Variants in KCNJ6 observed in about 807,000 individuals in gnomAD.
The protein encoded by KCNJ6 is potassium inwardly rectifying channel subfamily J member 6.
Under a neutral mutation model 34.2 loss-of-function variants are expected in KCNJ6, and 9 were observed. The observed-to-expected ratio is 0.26, with a 90% CI of 0.16 to 0.46. KCNJ6 has a LOEUF of 0.46. KCNJ6 is among the 20% of genes least tolerant of loss of function. KCNJ6 has a pLI of 1.00. For missense variants in KCNJ6, 236 were observed against 531.3 expected (o/e 0.44, Z 5.46); for synonymous variants, 196 against 207.1 (o/e 0.95, Z 0.46).
At chr21:37,858,132 C>T (rs1323118218) in intron 1 of KCNJ6, among the ~76,000 whole-genome samples, 1 of 152,016 alleles carries the variant, frequency 6.6e-6, no homozygotes, top group Non-Finnish European at 1.5e-5. Flanking sequence ...TGGCTCACGC[C>T]TGTAATCTCA....
chr21:37,894,153 A>C (rs1169915783), intron 1 of KCNJ6, among the ~76,000 whole-genome samples: 3 of 152,198 alleles, frequency 2.0e-5, no homozygotes, highest in Non-Finnish European at 4.4e-5. Flanking sequence ...TCCTTCTTTG[A>C]TATCTGTCTA....
In KCNJ6 at chr21:37,714,629, C is replaced by T. The variant is rs761967457; in HGVS notation, c.528G>A (p.Val176=). The change falls in exon 3 of 4, where the codon GTG becomes GTA. Residue 176 remains valine (V), a synonymous_variant. Transcript: ENST00000609713. The surrounding 1 kb of genome is among the most constrained non-coding windows in gnomAD (Gnocchi z 5.9). The stretch of plus-strand genomic sequence containing the variant: ...TGAATGCATTGACAATGGACCCCAA[C>T]ACAGATTGGATTAAGAGAAGAATAA... ...EGIILLLIQS[V]LGSIVNAFMV... is the part of the protein sequence containing the mutation. 5.6e-6 allele frequency: 9 copies of T among 1,614,124 alleles called. No individual in the cohort carries two copies. In the Admixed American group the frequency reaches 1.0e-4, roughly 18 times the overall value.
chr21:37,883,031 T>C (rs1184299814), intron 1 of KCNJ6, among the ~76,000 whole-genome samples: 1 of 152,248 alleles, frequency 6.6e-6, no homozygotes, highest in East Asian at 1.9e-4. Flanking sequence ...TGTGGGTCTG[T>C]ATGTGCATGT....
chr21:37,690,261 C>G (rs1185230240), intron 3 of KCNJ6, among the ~76,000 whole-genome samples: 2 of 152,204 alleles, frequency 1.3e-5, no homozygotes, highest in Non-Finnish European at 2.9e-5. Context: ...GCTTTCTACT[C>G]TATAGCATGA....
chr21:37,668,041 G>A (rs1291325464), intron 3 of KCNJ6, among the ~76,000 whole-genome samples: 1 of 152,164 alleles, frequency 6.6e-6, no homozygotes, highest in African/African-American at 2.4e-5. Context: ...GAAAGCTCAC[G>A]CCATGGTCTG....
intron 2 of KCNJ6, among the ~76,000 whole-genome samples, chr21:37,715,615 C>T (rs2054786196): frequency 6.6e-6 from 1 of 152,228 alleles, no homozygotes; most frequent in Admixed American, 6.5e-5. Context: ...AGCCCCAACC[C>T]CTAAGGTGAC....
chr21:37,631,499 A>G (rs2054333541), intron 3 of KCNJ6, among the ~76,000 whole-genome samples: 1 of 152,216 alleles, frequency 6.6e-6, no homozygotes, highest in African/African-American at 2.4e-5. Context: ...CTTCCCACCA[A>G]GTATAGTTGA....
At chr21:37,656,390 T>C (rs958163508) in intron 3 of KCNJ6, among the ~76,000 whole-genome samples, 7 of 152,152 alleles carry the variant, frequency 4.6e-5, no homozygotes, top group Non-Finnish European at 8.8e-5. Flanking sequence ...AGCTCTCCTC[T>C]CCCTGCTGGG....
chr21:37,736,644 C>G (rs1028606994), intron 2 of KCNJ6, among the ~76,000 whole-genome samples: 1 of 152,170 alleles, frequency 6.6e-6, no homozygotes, highest in African/African-American at 2.4e-5. Flanking sequence ...GCATGTCCAT[C>G]CAGGGCCAGT....
intron 2 of KCNJ6, among the ~76,000 whole-genome samples, chr21:37,823,813 G>A (rs1386231750): frequency 6.6e-6 from 1 of 152,140 alleles, no homozygotes; most frequent in Non-Finnish European, 1.5e-5. Context: ...TAGAATGGTG[G>A]TTCCCAGAGG....
intron 2 of KCNJ6, among the ~76,000 whole-genome samples, chr21:37,791,104 G>A (rs1302665032): frequency 6.6e-6 from 1 of 152,186 alleles, no homozygotes; most frequent in East Asian, 1.9e-4. Context: ...GGCCCTGGGA[G>A]GGACCTTGTC....
chr21:37,693,466 G>A (rs2054649646), intron 3 of KCNJ6, among the ~76,000 whole-genome samples: 1 of 152,172 alleles, frequency 6.6e-6, no homozygotes, highest in East Asian at 1.9e-4. Flanking sequence ...AACCCTCAAG[G>A]TGGGCTGTGT....
chr21:37,809,548 T>A (rs1237870481), intron 2 of KCNJ6, among the ~76,000 whole-genome samples: 1 of 152,108 alleles, frequency 6.6e-6, no homozygotes, highest in African/African-American at 2.4e-5. Context: ...AAAAAGATAT[T>A]ATTATTCTTA....
At chr21:37,687,282 A>T (rs371778429) in intron 3 of KCNJ6, among the ~76,000 whole-genome samples, 1 of 152,176 alleles carries the variant, frequency 6.6e-6, no homozygotes, top group African/African-American at 2.4e-5. Context: ...TGAGTGCTCC[A>T]GCTGACCCAG....
intron 1 of KCNJ6, among the ~76,000 whole-genome samples, chr21:37,883,979 T>C (rs1383980792): frequency 6.6e-6 from 1 of 152,234 alleles, no homozygotes; most frequent in Non-Finnish European, 1.5e-5. Flanking sequence ...GAGGCATGAA[T>C]GCTCGTCCAC....
intron 1 of KCNJ6, among the ~76,000 whole-genome samples, chr21:37,862,121 G>A (rs184693029): frequency 4.0e-4 from 61 of 152,322 alleles, no homozygotes; most frequent in African/African-American, 1.4e-3. Context: ...CTTACATAAG[G>A]TGTCAGAATC....
At chr21:37,647,957 A>C (rs1465990932) in intron 3 of KCNJ6, among the ~76,000 whole-genome samples, 1 of 152,168 alleles carries the variant, frequency 6.6e-6, no homozygotes, top group Non-Finnish European at 1.5e-5. Flanking sequence ...CATTTCCTGG[A>C]CCTCAAGTTG....
chr21:37,807,510 C>T (rs2055299459), intron 2 of KCNJ6, among the ~76,000 whole-genome samples: 1 of 152,176 alleles, frequency 6.6e-6, no homozygotes, highest in African/African-American at 2.4e-5. Context: ...CGACAGTGGT[C>T]CCGTAAGATT....
chr21:37,655,280 AGAGAGT>A (rs527500734), intron 3 of KCNJ6, among the ~76,000 whole-genome samples: 9 of 101,392 alleles, frequency 8.9e-5, no homozygotes, highest in African/African-American at 5.2e-4. Context: ...AGAGAGAGAG[AGAGAGT>A]GTAACCATGA....
Sources: allele counts gnomAD v4.1 joint callset (sites outside exome capture counted in the v4.1 genomes callset), GRCh38; gene constraint gnomAD v4.1.1; non-coding constraint Gnocchi (gnomAD v3.1); transcripts MANE v1.5; gene names NCBI Gene and HGNC (gene_info 2026-07-23, HGNC 2026-07-21).